ODC1: variants seen among roughly 807,000 people sequenced by gnomAD.
ODC1 encodes the protein ornithine decarboxylase.
A neutral mutation model predicts 41.5 loss-of-function variants in ODC1; 18 were observed. That is an observed-to-expected ratio of 0.43 (90% CI 0.30 to 0.64). The LOEUF is 0.64. Among genes scored for constraint, ODC1 ranks in the 30% least tolerant of loss-of-function variants. ODC1 has a pLI of 0.11. For missense variants in ODC1, 504 were observed against 589.0 expected, an observed-to-expected ratio of 0.86 and a Z score of 1.49; for synonymous variants, 218 against 211.6, an observed-to-expected ratio of 1.03 and a Z score of -0.26.
Position 10,443,688 on chromosome 2 carries a change from C to A in ODC1, c.584+14G>T, listed in dbSNP as rs753695781. The A allele has an allele frequency of 2.5e-6, 4 of 1,613,606 alleles. No homozygotes were observed. The African/African-American group carries it at 5.3e-5, about 22-fold the overall frequency. On this transcript the variant is annotated intron_variant, in intron 6 of 11. Coordinates refer to ENST00000234111, the MANE Select transcript of ODC1 (RefSeq NM_002539.3). ...TCAATGTCTTGACCTCTAGCTATCC[C>A]ACCAAAATCTCACCTGACACCAACA...
intron 7 of ODC1, 52 bp downstream of exon 7, chr2:10,443,437 TA>T: frequency 6.3e-7 from 1 of 1,574,818 alleles, no homozygotes; most frequent in Non-Finnish European, 8.7e-7. Context: ...GAATTAAGAC[TA>T]GTTATTGTCA....
Position 10,444,274 on chromosome 2 carries a change from A to T in ODC1, c.277-7T>A, listed in dbSNP as rs1213660108. 1.3e-6 allele frequency: 2 copies of T among 1,567,648 alleles called. No individual in the cohort carries two copies. The highest frequency in any genetic ancestry group is 1.7e-6 in the Non-Finnish European group (2 of 1,160,554). ...GCACCAACTGTATTTCAGTCTGAAA[A>T]AGAAGAGTGGTGTCATGCTATCCAT... On this transcript the variant is annotated splice_polypyrimidine_tract_variant and splice_region_variant and intron_variant, in intron 4 of 11. Transcript: ENST00000234111.
chr2:10,441,589 GC>G lies in ODC1; in HGVS notation c.1160del (p.Gly387AlafsTer22). ...TAGAGGCAGCAGCAACAGTGTAAGC[GC>G]CCATGTTTTCAAAGAGCATCCAATC... ...VGDWMLFENM[G>X]AYTVAAASTF... On this transcript the variant is annotated frameshift_variant, in exon 11 of 12. Transcript: ENST00000234111. LOFTEE classifies it high-confidence loss of function. 6.2e-7 allele frequency: 1 copy of G among 1,614,150 alleles called. No individual in the cohort carries two copies. The highest frequency in any genetic ancestry group is 8.5e-7 in the Non-Finnish European group (1 of 1,180,044).
chr2:10,445,238 G>A lies in ODC1; in HGVS notation c.-101C>T, dbSNP rs28364601. 4.9e-3 allele frequency: 2,468 copies of A among 501,214 alleles called. 67 individuals carry two copies. Among genetic ancestry groups the A allele is most frequent in the Admixed American group, 0.048 (1,428 of 29,842 alleles). 31.0% of individuals were successfully genotyped at this position (501,214 alleles called of 1,614,324 possible). A position where few individuals can be genotyped will look rare whatever the true frequency, so the allele number is the denominator to read the frequency against. ...CTCCAGGAATTCCAAATCCCTCTGC[G>A]TGTGCCCTTGGAACAGCAGTGACAA... is the stretch of plus-strand genomic sequence containing the variant. On this transcript the variant is annotated 5_prime_UTR_variant, in exon 2 of 12. It adds an upstream start codon to the 5' untranslated region. Transcript: ENST00000234111.
Position 10,444,227 on chromosome 2 carries a change from T to C in ODC1, c.317A>G (p.Glu106Gly). 1.2e-6 allele frequency: 2 copies of C among 1,609,578 alleles called. No homozygotes were observed. Among genetic ancestry groups the C allele is most frequent in the Non-Finnish European group, 1.7e-6 (2 of 1,178,440 alleles). Reference protein sequence around the residue: ...QLVQSLGVPPERIIYANPCKQ... With the variant: ...QLVQSLGVPPGRIIYANPCKQ... ...ACAAGGATTTGCATAGATAATCCTC[T>C]CTGGAGGCACCCCCAGACTCTGCAC... Residue 106 changes from glutamate (E) to glycine (G), a missense_variant, in exon 5 of 12, where the codon GAG becomes GGG. By Grantham distance (98) the Glu-to-Gly change is moderately conservative. Around this residue, in one of 3 missense-constraint regions of ODC1, gnomAD observed 447 missense variants for 524.4 expected, o/e 0.85. Transcript: ENST00000234111.
intron 9 of ODC1, 27 bp downstream of exon 9, chr2:10,441,985 A>G (rs1402120734): frequency 6.2e-7 from 1 of 1,613,282 alleles, no homozygotes; most frequent in African/African-American, 1.3e-5. Context: ...TCAGTTATAC[A>G]TGAAGTGATT....
chr2:10,445,079 G>C (rs747987248), intron 2 of ODC1, 30 bp from the exon 3 acceptor site: 1 of 1,195,678 alleles, frequency 8.4e-7, no homozygotes, highest in Non-Finnish European at 1.3e-6. Flanking sequence ...AAATAGAGTG[G>C]AGAAATTCAC....
intron 11 of ODC1, 51 bp from the exon 12 acceptor site, chr2:10,440,919 G>A: frequency 6.3e-7 from 1 of 1,595,706 alleles, no homozygotes; most frequent in South Asian, 1.1e-5. Context: ...TCCTAACTGG[G>A]CATGAGAGTA....
At chr2:10,441,151 C>T (rs911918809) in intron 11 of ODC1, among the ~76,000 whole-genome samples, 3 of 152,112 alleles carry the variant, frequency 2.0e-5, no homozygotes, top group East Asian at 1.9e-4. Flanking sequence ...CAGGGTCTCA[C>T]TATGTTGCCC....
intron 5 of ODC1, 62 bp from the exon 6 acceptor site, chr2:10,443,898 A>G: frequency 6.3e-7 from 1 of 1,593,264 alleles, no homozygotes; most frequent in Non-Finnish European, 8.6e-7. Context: ...GCCACAATTA[A>G]AATAAAAACA....
rs1369385087 is a variant in ODC1 at position 10,440,799 on chromosome 2, C to T, written c.1311G>A (p.Leu437=). The change falls in exon 12 of 12, where the codon CTG becomes CTA. Residue 437 remains leucine, a synonymous_variant. Coordinates refer to ENST00000234111, the MANE Select transcript of ODC1 (RefSeq NM_002539.3). ...CACTCTCCCAGGCACAAGACACAGG[C>T]AGGGTGCTGGCATCCTGTTCCTCTA... ...PEVEEQDAST[L]PVSCAWESGM... is the part of the protein sequence containing the mutation. The T allele has an allele frequency of 5.0e-6, 8 of 1,613,994 alleles. No homozygotes were observed. In the African/African-American group the frequency reaches 1.1e-4, roughly 22 times the overall value.
chr2:10,440,918 G>T, intron 11 of ODC1, 50 bp from the exon 12 acceptor site: 1 of 1,596,558 alleles, frequency 6.3e-7, no homozygotes, highest in South Asian at 1.1e-5. Flanking sequence ...CTCCTAACTG[G>T]GCATGAGAGT....
In ODC1 at chr2:10,444,772, A is replaced by G. The variant is rs1671953561; in HGVS notation, c.103-125T>C. 3.4e-6 allele frequency: 3 copies of G among 869,856 alleles called. 1 individual carries two copies. The highest frequency in any genetic ancestry group is 3.6e-6 in the Non-Finnish European group (2 of 552,764). The allele number at this position is 869,856 out of a possible 1,614,324, so 53.9% of individuals were successfully genotyped here. A position where few individuals can be genotyped will look rare whatever the true frequency, so the allele number is the denominator to read the frequency against. On this transcript the variant is annotated intron_variant, in intron 3 of 11. Coordinates refer to ENST00000234111, the MANE Select transcript of ODC1 (RefSeq NM_002539.3). ...TCTTTTGAGTCTAGCCACTGATATG[A>G]GTATCACCATTATCACTATTAATTT...
rs768145950 is a variant in ODC1, at chr2:10,441,697, A to C, written c.1053T>G (p.Tyr351Ter). ...ATGTTGGTCCCCATATGCTGGATGA[A>C]TAATACTTCTCATCTGGTTTAGGTC... The part of the protein sequence containing the change: ...QKRPKPDEKY[Y>*]SSSIWGPTCD... Residue 351 changes from tyrosine (Y) to a stop codon, truncating the protein, a stop_gained, in exon 11 of 12, where the codon TAT becomes TAG. Transcript: ENST00000234111. LOFTEE classifies it high-confidence loss of function. 1 of 1,614,220 alleles carries C rather than the reference A, an allele frequency of 6.2e-7. No homozygotes were observed. Among genetic ancestry groups the C allele is most frequent in the Non-Finnish European group, 8.5e-7 (1 of 1,180,038 alleles).
intron 4 of ODC1, 33 bp downstream of exon 4, chr2:10,444,441 A>G (rs560489642): frequency 1.9e-6 from 3 of 1,572,152 alleles, no homozygotes; most frequent in East Asian, 2.2e-5. Context: ...CCCATTTTAT[A>G]CAACGCTTTT....
Position 10,440,862 on chromosome 2 carries a change from G to A in ODC1, c.1248C>T (p.Leu416=), listed in dbSNP as rs778225850. 7.0e-5 allele frequency: 113 copies of A among 1,613,914 alleles called. No homozygotes were observed. Among genetic ancestry groups the A allele is most frequent in the Non-Finnish European group, 9.3e-5 (110 of 1,179,998 alleles). The change falls in exon 12 of 12, where the codon CTC becomes CTT. Residue 416 remains leucine, a synonymous_variant. Transcript: ENST00000234111. The part of the protein sequence containing the change: ...YYVMSGPAWQ[L]MQQFQNPDFP... Reference sequence around the variant, plus strand: ...AGTCGGGGTTCTGGAATTGCTGCATGAGTTGCCTGAGAAAGAAAAAGTGGC... The same window carrying A: ...AGTCGGGGTTCTGGAATTGCTGCATAAGTTGCCTGAGAAAGAAAAAGTGGC...
intron 8 of ODC1, among the ~76,000 whole-genome samples, 182 bp downstream of exon 8, chr2:10,443,048 A>C (rs952960334): frequency 2.6e-5 from 4 of 152,194 alleles, no homozygotes; most frequent in Non-Finnish European, 5.9e-5. Flanking sequence ...AAGCTGATTC[A>C]CACTTTAGAA....
chr2:10,443,182 G>A, intron 8 of ODC1, 48 bp downstream of exon 8: 2 of 1,429,152 alleles, frequency 1.4e-6, no homozygotes, highest in Non-Finnish European at 1.9e-6. Context: ...TTCCAAAAAG[G>A]AATTTATTAG....
Position 10,442,114 on chromosome 2 carries a change from T to C in ODC1, c.811A>G (p.Ile271Val). 6.2e-7 allele frequency: 1 copy of C among 1,614,160 alleles called. No homozygotes were observed. ...KYFPSDSGVR[I>V]IAEPGRYYVA... ...TAGTATCTGCCGGGCTCAGCTATGA[T>C]TCTCACTCCAGAGTCTGACGGAAAG... The change falls in exon 9 of 12, where the codon ATC becomes GTC. Residue 271 changes from isoleucine (I) to valine (V), a missense_variant. By Grantham distance (29) the Ile-to-Val change is conservative. Around this residue, in one of 3 missense-constraint regions of ODC1, gnomAD observed 447 missense variants for 524.4 expected, o/e 0.85. Transcript: ENST00000234111.
Sources: allele counts gnomAD v4.1 joint callset (sites outside exome capture counted in the v4.1 genomes callset), GRCh38; gene constraint gnomAD v4.1.1; regional missense constraint gnomAD v4.1.1; transcripts MANE v1.5; gene names NCBI Gene and HGNC (gene_info 2026-07-23, HGNC 2026-07-21).